Variants in PRKD1 observed in about 807,000 individuals in gnomAD.
PRKD1 encodes serine/threonine-protein kinase D1.
Under a neutral mutation model 95.9 loss-of-function variants are expected in PRKD1, and 63 were observed. The observed-to-expected ratio is 0.66, with a 90% CI of 0.54 to 0.81. PRKD1 has a LOEUF of 0.81. Ranked by LOEUF, PRKD1 falls within the 30% of genes least tolerant of loss-of-function variation. The probability of loss-of-function intolerance (pLI) is 0.00; values close to 1 mark genes in which losing one functional copy is unlikely to be tolerated. For synonymous variants in PRKD1, 425 were observed against 423.1 expected (o/e 1.00, Z -0.05); for missense variants, 1,048 against 1,165.3 (o/e 0.90, Z 1.47).
chr14:29,656,508 T>G, intron 4 of PRKD1: 1 of 1,535,286 alleles, frequency 6.5e-7, no homozygotes, highest in Non-Finnish European at 8.7e-7. Flanking sequence ...GACTGAAACA[T>G]GAAGTTGTAA....
At chr14:29,605,866 C>T (rs953555394) in intron 13 of PRKD1, among the ~76,000 whole-genome samples, 2 of 152,138 alleles carry the variant, frequency 1.3e-5, no homozygotes, top group African/African-American at 4.8e-5. Context: ...AGTGATAGTA[C>T]ATTTTGCATC....
At chr14:29,692,857 A>G (rs71415910) in intron 2 of PRKD1, among the ~76,000 whole-genome samples, 11 of 152,212 alleles carry the variant, frequency 7.2e-5, no homozygotes, top group Non-Finnish European at 1.3e-4. Flanking sequence ...TGGCCAAATA[A>G]CCACAGTACT....
At chr14:29,822,752 G>C (rs1473315205) in intron 1 of PRKD1, among the ~76,000 whole-genome samples, 1 of 152,030 alleles carries the variant, frequency 6.6e-6, no homozygotes, top group African/African-American at 2.4e-5. Flanking sequence ...AAACTATTCT[G>C]TTTAGGGAAT....
At chr14:29,714,048 T>TATAA (rs967164726) in intron 2 of PRKD1, among the ~76,000 whole-genome samples, 1 of 152,054 alleles carries the variant, frequency 6.6e-6, no homozygotes, top group Non-Finnish European at 1.5e-5. Context: ...ATACAAAAGG[T>TATAA]TAGTATAATA....
chr14:29,838,351 C>T (rs2032538323), intron 1 of PRKD1, among the ~76,000 whole-genome samples: 2 of 152,040 alleles, frequency 1.3e-5, no homozygotes, highest in African/African-American at 4.8e-5. Flanking sequence ...TCAATTTGTC[C>T]ATTCTTAATA....
chr14:29,598,081 G>A (rs1478172542), intron 15 of PRKD1, among the ~76,000 whole-genome samples: 1 of 149,070 alleles, frequency 6.7e-6, no homozygotes, highest in African/African-American at 2.6e-5. Flanking sequence ...TTCAAGACCA[G>A]TCTAGGCACA....
At chr14:29,909,705 G>A (rs569249010) in intron 1 of PRKD1, among the ~76,000 whole-genome samples, 7 of 152,302 alleles carry the variant, frequency 4.6e-5, no homozygotes, top group Admixed American at 1.3e-4. Context: ...TCAGCACTCT[G>A]TGTCTAGCTC....
chr14:29,916,630 C>CTG (rs146128787), intron 1 of PRKD1, among the ~76,000 whole-genome samples: 3,590 of 152,258 alleles, frequency 0.024, 147 homozygotes, highest in African/African-American at 0.082. Flanking sequence ...AACTGCGACT[C>CTG]TTGGTCACCC....
rs1893066367 is a variant in PRKD1, at chr14:29,870,520, T to C, written c.264+56729A>G. Reference sequence around the variant, plus strand: ...AACACCCAACAGATTGCTGCCATAGTCCACAAATGTTTGTCATTCGTAAGC... The same window carrying C: ...AACACCCAACAGATTGCTGCCATAGCCCACAAATGTTTGTCATTCGTAAGC... On this transcript the variant is annotated intron_variant, in intron 1 of 17. Coordinates refer to ENST00000331968, the MANE Select transcript of PRKD1 (RefSeq NM_002742.3). 2.0e-5 allele frequency among the ~76,000 whole-genome samples: 3 copies of C among 152,206 alleles called. No individual in the cohort carries two copies. In the South Asian group the frequency reaches 6.2e-4, roughly 31 times the overall value.
Position 29,851,887 on chromosome 14 carries a change from A to T in PRKD1, c.264+75362T>A, listed in dbSNP as rs538358846. Among the ~76,000 whole-genome samples the T allele has an allele frequency of 2.0e-5, 3 of 152,286 alleles. No individual in the cohort carries two copies. In the South Asian group the frequency reaches 6.2e-4, roughly 32 times the overall value. On this transcript the variant is annotated intron_variant, in intron 1 of 17. Transcript: ENST00000331968. Reference sequence around the variant, plus strand: ...AAATGTGGTACATATACATCATGGAATACTACACAGCCATAAAAAAGAACA... The same window carrying T: ...AAATGTGGTACATATACATCATGGATTACTACACAGCCATAAAAAAGAACA...
At chr14:29,849,750 A>T (rs1418324927) in intron 1 of PRKD1, among the ~76,000 whole-genome samples, 1 of 148,080 alleles carries the variant, frequency 6.8e-6, no homozygotes, top group Non-Finnish European at 1.5e-5. Context: ...TGATAATATA[A>T]AAAAAAAACT....
rs188223902 is a variant in PRKD1 at position 29,834,937 on chromosome 14, T to C, written c.264+92312A>G. 1.8e-3 allele frequency among the ~76,000 whole-genome samples: 281 copies of C among 152,276 alleles called. 2 individuals are homozygous for C. The highest frequency in any genetic ancestry group is 6.0e-3 in the African/African-American group (250 of 41,566). ...AGTCAATGTTTTTAAATGCCATGAT[T>C]ACCTCCTATTACACAGCTAAAGAGA... On this transcript the variant is annotated intron_variant, in intron 1 of 17. Transcript: ENST00000331968.
intron 1 of PRKD1, among the ~76,000 whole-genome samples, chr14:29,860,768 C>T (rs1232927256): frequency 6.6e-6 from 1 of 152,054 alleles, no homozygotes; most frequent in Non-Finnish European, 1.5e-5. Flanking sequence ...GGTGTTCTTC[C>T]TCTCCCTTCA....
chr14:29,762,939 T>G (rs1888066680), intron 1 of PRKD1, among the ~76,000 whole-genome samples: 1 of 151,798 alleles, frequency 6.6e-6, no homozygotes, highest in African/African-American at 2.4e-5. Flanking sequence ...AGATGGGGTT[T>G]CACCATGTTG....
intron 2 of PRKD1, among the ~76,000 whole-genome samples, chr14:29,676,575 C>G (rs1298431928): frequency 1.3e-5 from 2 of 152,036 alleles, no homozygotes; most frequent in South Asian, 2.1e-4. Flanking sequence ...GGATGGTCTC[C>G]ATCTCCTGAC....
At chr14:29,921,212 A>T (rs1260687644) in intron 1 of PRKD1, among the ~76,000 whole-genome samples, 1 of 152,220 alleles carries the variant, frequency 6.6e-6, no homozygotes, top group Non-Finnish European at 1.5e-5. Flanking sequence ...TCTTTCATTT[A>T]GTAATAATTA....
intron 1 of PRKD1, among the ~76,000 whole-genome samples, chr14:29,847,405 A>C (rs915891851): frequency 2.0e-5 from 3 of 152,170 alleles, no homozygotes; most frequent in African/African-American, 7.2e-5. Flanking sequence ...TTTTGGTAGC[A>C]ACCTCCAATA....
chr14:29,638,057 C>A (rs1168131666), intron 6 of PRKD1, among the ~76,000 whole-genome samples: 1 of 152,058 alleles, frequency 6.6e-6, no homozygotes, highest in East Asian at 1.9e-4. Context: ...AGGAATATTG[C>A]CAAATACAGA....
chr14:29,918,116 C>T (rs1191011545), intron 1 of PRKD1, among the ~76,000 whole-genome samples: 1 of 151,980 alleles, frequency 6.6e-6, no homozygotes, highest in African/African-American at 2.4e-5. Context: ...GTTCTCACCA[C>T]ACACACAAGA....
Sources: gnomAD v4.1 joint callset for allele counts (sites outside exome capture counted in the v4.1 genomes callset) on GRCh38, gnomAD v4.1.1 for gene constraint, MANE v1.5 for transcripts, NCBI Gene and HGNC (gene_info 2026-07-23, HGNC 2026-07-21) for gene names.